Variants in OPCML observed in about 807,000 individuals in gnomAD.
OPCML encodes opioid binding protein/cell adhesion molecule like, also known as opioid-binding protein/cell adhesion molecule.
A neutral mutation model predicts 37.8 loss-of-function variants in OPCML; 13 were observed. The ratio of observed to expected loss-of-function variants is 0.34; its 90% CI spans 0.22 to 0.55. The LOEUF (loss-of-function observed/expected upper bound fraction) is 0.55, where lower values mean the gene tolerates loss of function less well. OPCML is among the 20% of genes least tolerant of loss of function. The probability of loss-of-function intolerance (pLI) is 0.91; values close to 1 mark genes in which losing one functional copy is unlikely to be tolerated. For synonymous variants in OPCML, 176 were observed against 168.8 expected, an observed-to-expected ratio of 1.04 and a Z score of -0.33; for missense variants, 341 against 435.6, an observed-to-expected ratio of 0.78 and a Z score of 1.93.
At chr11:133,326,316 AGTGTGTGGGGGGAGTGGGTGTGTGTATGT>A in intron 1 of OPCML, among the ~76,000 whole-genome samples, 1 of 27,918 alleles carries the variant, frequency 3.6e-5, no homozygotes, top group Non-Finnish European at 5.9e-5. Context: ...GGTATGTATA[AGTGTGTGGGGGGAGTGGGTGTGTGTATGT>A]GTGTGTGGGG....
chr11:132,665,432 T>C (rs1942176815), intron 2 of OPCML, among the ~76,000 whole-genome samples: 1 of 152,110 alleles, frequency 6.6e-6, no homozygotes, highest in Non-Finnish European at 1.5e-5. Flanking sequence ...GTGAGGCAAC[T>C]GTGCTGACGG....
chr11:133,105,429 G>T (rs537739659), intron 1 of OPCML, among the ~76,000 whole-genome samples: 1 of 152,202 alleles, frequency 6.6e-6, no homozygotes, highest in Non-Finnish European at 1.5e-5. Context: ...AATCATGAAT[G>T]ATAGATGCAT....
chr11:133,149,080 G>A (rs1949938030), intron 1 of OPCML, among the ~76,000 whole-genome samples: 1 of 152,154 alleles, frequency 6.6e-6, no homozygotes, highest in Non-Finnish European at 1.5e-5. Flanking sequence ...TCTGAACTGG[G>A]AAAAGCAACA....
intron 1 of OPCML, among the ~76,000 whole-genome samples, chr11:133,356,232 G>T (rs750832398): frequency 2.0e-5 from 3 of 152,050 alleles, no homozygotes; most frequent in Non-Finnish European, 4.4e-5. Context: ...TAATCAGAGG[G>T]CTTTAAAGTG....
At chr11:133,009,448 C>A (rs1947174786) in intron 1 of OPCML, among the ~76,000 whole-genome samples, 1 of 152,178 alleles carries the variant, frequency 6.6e-6, no homozygotes, top group South Asian at 2.1e-4. Context: ...GATTGATCGA[C>A]CTAACTTAGG....
At chr11:132,518,868 G>A (rs879740764) in intron 4 of OPCML, among the ~76,000 whole-genome samples, 1 of 152,166 alleles carries the variant, frequency 6.6e-6, no homozygotes, top group Non-Finnish European at 1.5e-5. Context: ...ATGAGTGAAT[G>A]AATGAGGGCA....
At chr11:133,310,175 CTT>C (rs997852755) in intron 1 of OPCML, among the ~76,000 whole-genome samples, 3 of 152,152 alleles carry the variant, frequency 2.0e-5, no homozygotes, top group African/African-American at 7.2e-5. Context: ...ATTTCACAAA[CTT>C]TTGTGGAAAA....
intron 3 of OPCML, among the ~76,000 whole-genome samples, chr11:132,620,488 G>A (rs1057164215): frequency 2.0e-5 from 3 of 152,176 alleles, no homozygotes; most frequent in Non-Finnish European, 4.4e-5. Context: ...TTTTTGTGGT[G>A]AAATCACATG....
chr11:132,812,561 T>C (rs1012262748), intron 2 of OPCML, among the ~76,000 whole-genome samples: 1 of 152,164 alleles, frequency 6.6e-6, no homozygotes, highest in Non-Finnish European at 1.5e-5. Flanking sequence ...TTTTAAAGTG[T>C]AGTTTCAATA....
rs184598154 is a variant in OPCML at position 133,041,705 on chromosome 11, T to C, written c.62-98695A>G. Among the ~76,000 whole-genome samples the C allele has an allele frequency of 3.8e-3, 572 of 152,332 alleles. 2 individuals carry two copies. Among genetic ancestry groups the C allele is most frequent in the African/African-American group, 0.013 (558 of 41,574 alleles). On this transcript the variant is annotated intron_variant, in intron 1 of 7. Coordinates refer to ENST00000524381, the MANE Select transcript of OPCML (RefSeq NM_001012393.5). The stretch of plus-strand genomic sequence containing the variant: ...GAATCTTCTATCAGCACGATGGGAC[T>C]GCATCCCTGGGAATACAGCTTTATG...
intron 2 of OPCML, among the ~76,000 whole-genome samples, chr11:132,929,464 A>C (rs1038932382): frequency 1.3e-5 from 2 of 152,190 alleles, no homozygotes; most frequent in Non-Finnish European, 2.9e-5. Flanking sequence ...GCTGAATTTT[A>C]TCAAACATTT....
chr11:133,150,846 G>C (rs983969258), intron 1 of OPCML, among the ~76,000 whole-genome samples: 2 of 152,088 alleles, frequency 1.3e-5, no homozygotes, highest in African/African-American at 4.8e-5. Context: ...ATGGCCACAG[G>C]GCTGAGCAAA....
chr11:132,478,813 G>A (rs2096166773), intron 4 of OPCML, among the ~76,000 whole-genome samples: 1 of 152,174 alleles, frequency 6.6e-6, no homozygotes, highest in Admixed American at 6.5e-5. Flanking sequence ...TCAAGAGGCT[G>A]AAGAAAGGCT....
intron 2 of OPCML, among the ~76,000 whole-genome samples, chr11:132,841,118 G>A (rs1382621045): frequency 6.6e-6 from 1 of 152,128 alleles, no homozygotes; most frequent in Non-Finnish European, 1.5e-5. Flanking sequence ...CACAAGTAAG[G>A]GTTCTATAAG....
rs1948416698 is a variant in OPCML, at chr11:133,522,627, C to T, written c.61+9637G>A. Among the ~76,000 whole-genome samples the T allele has an allele frequency of 3.3e-5, 5 of 152,072 alleles. 1 individual carries two copies. Among genetic ancestry groups the T allele is most frequent in the Admixed American group, 1.3e-4 (2 of 15,270 alleles). On this transcript the variant is annotated intron_variant, in intron 1 of 7. Coordinates refer to ENST00000524381, the MANE Select transcript of OPCML (RefSeq NM_001012393.5). Reference sequence around the variant, plus strand: ...AGGTTATAGGTCCGTTTTCCAGCAGCGTAACAGATTGGGAGGCAAAGTTCA... The same window carrying T: ...AGGTTATAGGTCCGTTTTCCAGCAGTGTAACAGATTGGGAGGCAAAGTTCA...
intron 1 of OPCML, among the ~76,000 whole-genome samples, chr11:133,295,496 G>T (rs11827092): frequency 0.01 from 1,563 of 152,260 alleles, 18 homozygotes; most frequent in African/African-American, 0.036. Context: ...TCTTAAGTGT[G>T]TAAGGAAATT....
chr11:133,119,002 G>T (rs1336571677), intron 1 of OPCML, among the ~76,000 whole-genome samples: 1 of 152,226 alleles, frequency 6.6e-6, no homozygotes. Flanking sequence ...TCTGTGTGAG[G>T]CTCTAAACAA....
In OPCML at chr11:133,239,530, C is replaced by T. The variant is rs117564526; in HGVS notation, c.61+292734G>A. Among the ~76,000 whole-genome samples, 655 of 152,356 alleles carry T rather than the reference C, an allele frequency of 4.3e-3. 1 individual carries two copies. Among genetic ancestry groups the T allele is most frequent in the Non-Finnish European group, 7.0e-3 (478 of 68,038 alleles). On this transcript the variant is annotated intron_variant, in intron 1 of 7. Coordinates refer to ENST00000524381, the MANE Select transcript of OPCML (RefSeq NM_001012393.5). Reference sequence around the variant, plus strand: ...AGGGCCTCAGCCCCAGCCTCAGGTGCAAAGTGCTTCAGGAATGTCACAGCA... The same window carrying T: ...AGGGCCTCAGCCCCAGCCTCAGGTGTAAAGTGCTTCAGGAATGTCACAGCA...
At chr11:133,245,661 A>G (rs1314402125) in intron 1 of OPCML, among the ~76,000 whole-genome samples, 2 of 152,200 alleles carry the variant, frequency 1.3e-5, no homozygotes, top group Admixed American at 1.3e-4. Flanking sequence ...TAACTTCAGT[A>G]TGTTTTAAAG....
Sources: gnomAD v4.1 joint callset for allele counts (sites outside exome capture counted in the v4.1 genomes callset) on GRCh38, gnomAD v4.1.1 for gene constraint, MANE v1.5 for transcripts, NCBI Gene and HGNC (gene_info 2026-07-23, HGNC 2026-07-21) for gene names.